Variants in DPP6 observed in about 807,000 individuals in gnomAD.
DPP6 encodes dipeptidyl peptidase like 6, also known as A-type potassium channel modulatory protein DPP6.
DPP6 carries 69 observed loss-of-function variants against 122.6 expected under a neutral mutation model. That is an observed-to-expected ratio of 0.56 (90% CI 0.46 to 0.69). The LOEUF is 0.69. Among genes scored for constraint, DPP6 ranks in the 30% least tolerant of loss-of-function variants. DPP6 has a pLI of 0.00. For synonymous variants in DPP6, 418 were observed against 433.1 expected (o/e 0.97, Z 0.43); for missense variants, 928 against 1,116.9 (o/e 0.83, Z 2.41).
intron 6 of DPP6, among the ~76,000 whole-genome samples, chr7:154,668,782 G>GTT (rs1838361175): frequency 6.6e-6 from 1 of 152,056 alleles, no homozygotes; most frequent in Non-Finnish European, 1.5e-5. Flanking sequence ...TTTTTGTTGT[G>GTT]GTGGTATTGG....
chr7:153,921,267 C>G (rs1800625862), intron 1 of DPP6, among the ~76,000 whole-genome samples: 1 of 152,270 alleles, frequency 6.6e-6, no homozygotes, highest in African/African-American at 2.4e-5. Flanking sequence ...CAAGCCTCTC[C>G]TCCTCAGGCC....
In DPP6 at chr7:154,081,519, C is replaced by T. The variant is rs1248347011; in HGVS notation, c.243+28456C>T. ...ACCCTTTCCTCTGCTCCCTCCCCAC[C>T]ACCTGTGCCATTAGAAGCTGGAGGA... On this transcript the variant is annotated intron_variant, in intron 1 of 25. Transcript: ENST00000377770. Among the ~76,000 whole-genome samples the T allele has an allele frequency of 7.0e-4, 101 of 144,256 alleles. 4 individuals are homozygous for T. The highest frequency in any genetic ancestry group is 2.6e-3 in the African/African-American group (99 of 38,140). The allele number at this position is 144,256 out of a possible 152,430, so 94.6% of individuals were successfully genotyped here. A position where few individuals can be genotyped will look rare whatever the true frequency, so the allele number is the denominator to read the frequency against.
At chr7:154,564,118 C>T (rs184940147) in intron 4 of DPP6, among the ~76,000 whole-genome samples, 88 of 152,252 alleles carry the variant, frequency 5.8e-4, no homozygotes, top group African/African-American at 2.0e-3. Context: ...AGTAGAGAGA[C>T]TGGTCATCTG....
At position 154,056,790 on chromosome 7, in the gene DPP6, T is replaced by C. The variant is rs1800858629; in HGVS notation, c.243+3727T>C. Among the ~76,000 whole-genome samples the C allele has an allele frequency of 4.6e-5, 7 of 152,262 alleles. No homozygotes were observed. The South Asian group carries it at 1.4e-3, about 31-fold the overall frequency. ...TGGTATAATGTCAACATTCTGTTAA[T>C]GTGTCCTTGGGATCTATCAACTTTA... On this transcript the variant is annotated intron_variant, in intron 1 of 25. Coordinates refer to ENST00000377770, the MANE Select transcript of DPP6 (RefSeq NM_130797.4).
chr7:154,028,784 TC>T (rs1347660279), intron 1 of DPP6, among the ~76,000 whole-genome samples: 1 of 152,106 alleles, frequency 6.6e-6, no homozygotes, highest in African/African-American at 2.4e-5. Context: ...CTCTGTCTCT[TC>T]CCTTGTTAAC....
At chr7:154,726,079 G>C (rs775110287) in intron 7 of DPP6, among the ~76,000 whole-genome samples, 8 of 152,218 alleles carry the variant, frequency 5.3e-5, no homozygotes, top group African/African-American at 2.4e-5. Flanking sequence ...TAGCTCTGCA[G>C]GGTTCAGCTT....
At chr7:154,510,228 C>G (rs1296133105) in intron 3 of DPP6, among the ~76,000 whole-genome samples, 1 of 152,160 alleles carries the variant, frequency 6.6e-6, no homozygotes, top group Non-Finnish European at 1.5e-5. Context: ...ACCACTCAAC[C>G]ATGAGAAATA....
chr7:154,501,841 G>T (rs558272309), intron 3 of DPP6, among the ~76,000 whole-genome samples: 6 of 152,138 alleles, frequency 3.9e-5, no homozygotes, highest in African/African-American at 1.4e-4. Context: ...CAGAATGGTA[G>T]ATCCCTTGAA....
In DPP6 at chr7:154,889,269, C is replaced by T; in HGVS notation, c.2305-3C>T. 1.2e-6 allele frequency: 2 copies of T among 1,612,456 alleles called. No individual in the cohort carries two copies. The highest frequency in any genetic ancestry group is 1.7e-6 in the Non-Finnish European group (2 of 1,179,454). On this transcript the variant is annotated splice_region_variant and splice_polypyrimidine_tract_variant and intron_variant, in intron 23 of 25. Coordinates refer to ENST00000377770, the MANE Select transcript of DPP6 (RefSeq NM_130797.4). Reference sequence around the variant, plus strand: ...CTCTGTCCCCTTGCCCCCGCATGTGCAGATGACCAAGGTAGCCCATCGAGT... The same window carrying T: ...CTCTGTCCCCTTGCCCCCGCATGTGTAGATGACCAAGGTAGCCCATCGAGT...
chr7:154,261,460 C>A (rs1234348001), intron 1 of DPP6, among the ~76,000 whole-genome samples: 1 of 152,164 alleles, frequency 6.6e-6, no homozygotes, highest in African/African-American at 2.4e-5. Context: ...CATAAAAACC[C>A]TTCTAGACAT....
intron 1 of DPP6, among the ~76,000 whole-genome samples, chr7:154,217,853 C>T (rs952433229): frequency 1.3e-5 from 2 of 152,128 alleles, no homozygotes; most frequent in Non-Finnish European, 2.9e-5. Context: ...GGCTTGGTTC[C>T]TCCACGCTGC....
chr7:154,544,150 ATT>A (rs1828972662), intron 4 of DPP6, among the ~76,000 whole-genome samples: 1 of 142,908 alleles, frequency 7.0e-6, no homozygotes, highest in Non-Finnish European at 1.5e-5. Flanking sequence ...TTATATATAT[ATT>A]TTATATATAT....
At chr7:153,883,969 T>C (rs1159393766), upstream of DPP6, among the ~76,000 whole-genome samples, 1 of 152,240 alleles carries the variant, frequency 6.6e-6, no homozygotes, top group Non-Finnish European at 1.5e-5. Context: ...ATGTGTCTGC[T>C]AATAGGGTTA....
rs115402023 is a variant in DPP6, at chr7:154,366,560, T to C, written c.244-79654T>C. ...GCAACTGCAGAGATTCTGACTTCAC[T>C]GGTCCGCGGCAGGATTCCTGCTCTT... is the stretch of plus-strand genomic sequence containing the variant. On this transcript the variant is annotated intron_variant, in intron 1 of 25. Transcript: ENST00000377770. Among the ~76,000 whole-genome samples the C allele has an allele frequency of 9.2e-3, 1,400 of 152,318 alleles. 21 individuals carry two copies. Among genetic ancestry groups the C allele is most frequent in the African/African-American group, 0.032 (1,330 of 41,564 alleles).
rs553898298 is a variant in DPP6 at position 154,315,143 on chromosome 7, A to C, written c.244-131071A>C. ...TCCCCAATTTTTAAAAGGAAGCAAC[A>C]AATAGTAAATTATGCATGCTTTGGA... On this transcript the variant is annotated intron_variant, in intron 1 of 25. Coordinates refer to ENST00000377770, the MANE Select transcript of DPP6 (RefSeq NM_130797.4). 2.0e-5 allele frequency among the ~76,000 whole-genome samples: 3 copies of C among 152,360 alleles called. No individual in the cohort carries two copies. In the South Asian group the frequency reaches 6.2e-4, roughly 32 times the overall value.
At chr7:153,877,227 C>A in the DPP6 span, among the ~76,000 whole-genome samples, 2 of 151,916 alleles carry the variant, frequency 1.3e-5, no homozygotes, top group Admixed American at 1.3e-4. Context: ...TTATTTGATT[C>A]TTTTGCAATC....
intron 16 of DPP6, among the ~76,000 whole-genome samples, chr7:154,824,265 TTGTTTTG>T (rs1799994122): frequency 5.8e-4 from 4 of 6,856 alleles, no homozygotes; most frequent in East Asian, 2.9e-3. Context: ...GTTGTTGTTG[TTGTTTTG>T]TTTGTTTGTT....
intron 6 of DPP6, among the ~76,000 whole-genome samples, chr7:154,665,796 G>A (rs1838112851): frequency 6.6e-6 from 1 of 152,002 alleles, no homozygotes. Flanking sequence ...AGTTTATACA[G>A]ATACCTCTGA....
At chr7:154,321,115 CT>C (rs778542458) in intron 1 of DPP6, among the ~76,000 whole-genome samples, 2 of 151,946 alleles carry the variant, frequency 1.3e-5, no homozygotes, top group Non-Finnish European at 2.9e-5. Context: ...AAATCCATCT[CT>C]ACAAAAAAAT....
Sources: gnomAD v4.1 joint callset for allele counts (sites outside exome capture counted in the v4.1 genomes callset) on GRCh38, gnomAD v4.1.1 for gene constraint, MANE v1.5 for transcripts, NCBI Gene and HGNC (gene_info 2026-07-23, HGNC 2026-07-21) for gene names.